The following SDK1 variants were observed in gnomAD, a reference collection of about 807,000 sequenced individuals.
The protein encoded by SDK1 is sidekick cell adhesion molecule 1.
SDK1 carries 157 observed loss-of-function variants against 245.5 expected under a neutral mutation model. The ratio of observed to expected loss-of-function variants is 0.64; its 90% CI spans 0.56 to 0.73. The LOEUF (loss-of-function observed/expected upper bound fraction) is 0.73, where lower values mean the gene tolerates loss of function less well. SDK1 is among the 30% of genes least tolerant of loss of function. SDK1 has a pLI of 0.00. For missense variants in SDK1, 3,583 were observed against 3,002.3 expected, an observed-to-expected ratio of 1.19 and a Z score of -4.52; for synonymous variants, 1,647 against 1,278.5, an observed-to-expected ratio of 1.29 and a Z score of -6.15.
At chr7:3,929,962 G>C (rs889118399) in intron 5 of SDK1, among the ~76,000 whole-genome samples, 10 of 152,126 alleles carry the variant, frequency 6.6e-5, no homozygotes, top group African/African-American at 2.4e-4. Flanking sequence ...GTTCCTGAAA[G>C]CATGGTGTTT....
intron 13 of SDK1, among the ~76,000 whole-genome samples, chr7:3,985,286 G>A (rs937863948): frequency 1.3e-5 from 2 of 152,212 alleles, no homozygotes; most frequent in African/African-American, 4.8e-5. Flanking sequence ...CATTCTTTAT[G>A]ATAAACCATC....
intron 40 of SDK1, among the ~76,000 whole-genome samples, chr7:4,229,700 C>G (rs925177753): frequency 1.3e-5 from 2 of 152,164 alleles, no homozygotes; most frequent in African/African-American, 4.8e-5. Context: ...CCTTCACTTT[C>G]TTAGTCCCTT....
At chr7:3,694,183 A>T (rs894829059) in intron 4 of SDK1, among the ~76,000 whole-genome samples, 1 of 152,128 alleles carries the variant, frequency 6.6e-6, no homozygotes, top group Non-Finnish European at 1.5e-5. Flanking sequence ...CAGTCTCCAA[A>T]CTCGTATAGG....
intron 22 of SDK1, among the ~76,000 whole-genome samples, chr7:4,106,349 C>G (rs1308562327): frequency 6.6e-6 from 1 of 151,178 alleles, no homozygotes; most frequent in Non-Finnish European, 1.5e-5. Flanking sequence ...TGTCACCCAG[C>G]CTGGAGTGCA....
intron 19 of SDK1, among the ~76,000 whole-genome samples, chr7:4,054,133 G>T (rs1779057082): frequency 6.6e-6 from 1 of 151,996 alleles, no homozygotes; most frequent in African/African-American, 2.4e-5. Flanking sequence ...TAGAGATGGG[G>T]TTTCACCATG....
chr7:3,800,679 T>C (rs1779086147), intron 4 of SDK1, among the ~76,000 whole-genome samples: 1 of 152,210 alleles, frequency 6.6e-6, no homozygotes, highest in Non-Finnish European at 1.5e-5. Flanking sequence ...TGCCGTCTTT[T>C]ATTTTTTTAA....
intron 5 of SDK1, among the ~76,000 whole-genome samples, chr7:3,925,020 T>C (rs555461240): frequency 2.0e-5 from 3 of 152,292 alleles, no homozygotes; most frequent in African/African-American, 7.2e-5. Context: ...TTAATGTGAT[T>C]CTTGACAACT....
At chr7:3,787,052 T>C (rs559130845) in intron 4 of SDK1, among the ~76,000 whole-genome samples, 24 of 152,116 alleles carry the variant, frequency 1.6e-4, no homozygotes, top group Non-Finnish European at 3.4e-4. Flanking sequence ...ACATAAACAT[T>C]GTTTTTGTTT....
At chr7:4,169,074 CAG>C (rs1395120739) in intron 32 of SDK1, among the ~76,000 whole-genome samples, 2 of 152,188 alleles carry the variant, frequency 1.3e-5, no homozygotes, top group Non-Finnish European at 2.9e-5. Context: ...GTGTGGTTGT[CAG>C]GGGCCCAGGA....
chr7:3,979,743 G>C (rs1279868754), intron 13 of SDK1, among the ~76,000 whole-genome samples: 1 of 152,196 alleles, frequency 6.6e-6, no homozygotes, highest in Non-Finnish European at 1.5e-5. Flanking sequence ...GTGCCATGGG[G>C]ACAGGAGCCA....
chr7:3,956,722 G>A (rs540122752), intron 7 of SDK1, among the ~76,000 whole-genome samples: 1 of 152,326 alleles, frequency 6.6e-6, no homozygotes, highest in South Asian at 2.1e-4. Flanking sequence ...TTCTCACCAG[G>A]TGGCATGCTG....
intron 5 of SDK1, among the ~76,000 whole-genome samples, chr7:3,882,292 G>A (rs987392368): frequency 1.6e-4 from 25 of 152,118 alleles, no homozygotes; most frequent in African/African-American, 5.3e-4. Context: ...ACCAGGTGGG[G>A]GGTGGCTGTA....
At chr7:3,938,999 T>C (rs1190618238) in intron 5 of SDK1, among the ~76,000 whole-genome samples, 1 of 152,236 alleles carries the variant, frequency 6.6e-6, no homozygotes, top group Admixed American at 6.5e-5. Flanking sequence ...TTATCGTCTC[T>C]CGTCAGTAGA....
intron 5 of SDK1, among the ~76,000 whole-genome samples, chr7:3,877,619 A>T (rs1781106187): frequency 6.6e-6 from 1 of 152,222 alleles, no homozygotes; most frequent in Non-Finnish European, 1.5e-5. Flanking sequence ...TACACAAAAG[A>T]TCTGAAAAAG....
chr7:4,233,551 G>C (rs1437162636), intron 41 of SDK1, 132 bp downstream of exon 41: 1 of 853,162 alleles, frequency 1.2e-6, no homozygotes, highest in Non-Finnish European at 1.8e-6. Flanking sequence ...GACCCAGGGA[G>C]GTCTGTCTTC....
intron 5 of SDK1, among the ~76,000 whole-genome samples, chr7:3,949,160 G>A (rs555027043): frequency 1.4e-4 from 21 of 152,156 alleles, no homozygotes; most frequent in Non-Finnish European, 1.9e-4. Context: ...TCGAGGGTCC[G>A]CTGCAGAGTT....
At chr7:3,304,596 A>C (rs891066845) in intron 1 of SDK1, among the ~76,000 whole-genome samples, 1 of 152,138 alleles carries the variant, frequency 6.6e-6, no homozygotes, top group African/African-American at 2.4e-5. Flanking sequence ...ACTTGGACCT[A>C]TGGTTCTCCA....
At chr7:3,710,312 G>A (rs1371864416) in intron 4 of SDK1, among the ~76,000 whole-genome samples, 1 of 152,166 alleles carries the variant, frequency 6.6e-6, no homozygotes, top group East Asian at 1.9e-4. Flanking sequence ...AGGTGGGCGT[G>A]AGATCCTCAC....
intron 5 of SDK1, among the ~76,000 whole-genome samples, chr7:3,888,117 G>A (rs1228097268): frequency 6.6e-6 from 1 of 152,202 alleles, no homozygotes; most frequent in African/African-American, 2.4e-5. Context: ...ACAAATGGTT[G>A]AAGTTTGACT....
Sources: allele counts gnomAD v4.1 joint callset (sites outside exome capture counted in the v4.1 genomes callset), GRCh38; gene constraint gnomAD v4.1.1; transcripts MANE v1.5; gene names NCBI Gene and HGNC (gene_info 2026-07-23, HGNC 2026-07-21).